The following DTNA variants were observed in gnomAD, a reference collection of about 807,000 sequenced individuals.
DTNA encodes the protein dystrophin-related protein 3.
DTNA carries 43 observed loss-of-function variants against 100.7 expected under a neutral mutation model. The ratio of observed to expected loss-of-function variants is 0.43; its 90% CI spans 0.33 to 0.55. The LOEUF is 0.55. DTNA is among the 20% of genes least tolerant of loss of function. The pLI, the probability that DTNA is intolerant of heterozygous loss-of-function variation, is 0.04. For missense variants in DTNA, 798 were observed against 953.9 expected, an observed-to-expected ratio of 0.84 and a Z score of 2.15; for synonymous variants, 349 against 347.9, an observed-to-expected ratio of 1.00 and a Z score of -0.04.
chr18:34,712,445 A>G (rs1291602856), intron 1 of DTNA, among the ~76,000 whole-genome samples: 2 of 152,166 alleles, frequency 1.3e-5, no homozygotes, highest in Non-Finnish European at 2.9e-5. Flanking sequence ...GTTATGGGCT[A>G]CCAGCCAGCT....
intron 10 of DTNA, chr18:34,828,985 A>T (rs2095931542): frequency 6.3e-7 from 1 of 1,593,448 alleles, no homozygotes; most frequent in African/African-American, 1.3e-5. Context: ...GCATTCTGCA[A>T]ATATCAAGCA....
At chr18:34,621,989 G>A (rs938402282) in intron 1 of DTNA, among the ~76,000 whole-genome samples, 8 of 152,224 alleles carry the variant, frequency 5.3e-5, no homozygotes, top group African/African-American at 1.9e-4. Flanking sequence ...GTAGGAGAGT[G>A]GTTGCAAAGG....
intron 1 of DTNA, among the ~76,000 whole-genome samples, chr18:34,592,467 A>AACAC (rs3078085): frequency 0.023 from 3,170 of 139,498 alleles, 92 homozygotes; most frequent in African/African-American, 0.074. Flanking sequence ...ACACTTGTAT[A>AACAC]ACACACACAC....
At chr18:34,693,196 A>G (rs2080028972) in intron 1 of DTNA, among the ~76,000 whole-genome samples, 1 of 152,180 alleles carries the variant, frequency 6.6e-6, no homozygotes, top group Non-Finnish European at 1.5e-5. Flanking sequence ...CATATATTGC[A>G]CATCTTCTAT....
rs373074813 is a variant in DTNA, at chr18:34,730,556, G to C, written c.-2+20111G>C. Among the ~76,000 whole-genome samples the C allele has an allele frequency of 1.5e-3, 225 of 152,192 alleles. 1 individual carries two copies. Among genetic ancestry groups the C allele is most frequent in the African/African-American group, 5.2e-3 (214 of 41,508 alleles). ...ATATAGACCTTGGAGTCAGATTTGG[G>C]TTCAAATATAGTAATTTTCATGGCT... is the stretch of plus-strand genomic sequence containing the variant. On this transcript the variant is annotated intron_variant, in intron 1 of 22. Coordinates refer to ENST00000444659, the MANE Select transcript of DTNA (RefSeq NM_001386795.1).
chr18:34,608,172 G>A (rs915459720), intron 1 of DTNA, among the ~76,000 whole-genome samples: 65 of 152,242 alleles, frequency 4.3e-4, no homozygotes, highest in African/African-American at 1.5e-3. Context: ...ATATATCTAA[G>A]TAACTGGGTT....
rs1253766761 is a variant in DTNA at position 34,879,566 on chromosome 18, CAG to C, written c.2014_2015del (p.Ser672Ter). 6.2e-7 allele frequency: 1 copy of C among 1,613,880 alleles called. No individual in the cohort carries two copies. The highest frequency in any genetic ancestry group is 8.5e-7 in the Non-Finnish European group (1 of 1,179,980). ...TATCTGCTAGAGGTTGGGAGTGAAACAGAGAGTAATGTGGATTCTGAATTTGC... is the reference window on the plus strand; with the variant it reads ...TATCTGCTAGAGGTTGGGAGTGAAACAGAGTAATGTGGATTCTGAATTTGC... On this transcript the variant is annotated frameshift_variant, in exon 20 of 23. Transcript: ENST00000444659. LOFTEE classifies it high-confidence loss of function.
chr18:34,611,233 T>G (rs2147520757), intron 1 of DTNA, among the ~76,000 whole-genome samples: 1 of 152,260 alleles, frequency 6.6e-6, no homozygotes, highest in Admixed American at 6.5e-5. Flanking sequence ...GCTGGTGTGG[T>G]TTATTTGCTT....
intron 1 of DTNA, among the ~76,000 whole-genome samples, chr18:34,564,142 G>A (rs771013976): frequency 5.2e-4 from 79 of 151,736 alleles, no homozygotes; most frequent in African/African-American, 1.3e-3. Context: ...CAACATGTCC[G>A]TACTTCCTTT....
intron 1 of DTNA, among the ~76,000 whole-genome samples, chr18:34,742,122 C>A (rs2090761052): frequency 6.6e-6 from 1 of 152,092 alleles, no homozygotes; most frequent in African/African-American, 2.4e-5. Flanking sequence ...GGCTAGGAAG[C>A]CTTAGGAGAG....
chr18:34,660,593 G>A (rs2075047954), intron 1 of DTNA, among the ~76,000 whole-genome samples: 1 of 151,958 alleles, frequency 6.6e-6, no homozygotes, highest in African/African-American at 2.4e-5. Context: ...TCGACTAAGA[G>A]TCTGGCACCT....
At chr18:34,714,958 C>T (rs1291960070) in intron 1 of DTNA, among the ~76,000 whole-genome samples, 1 of 148,256 alleles carries the variant, frequency 6.7e-6, no homozygotes, top group Non-Finnish European at 1.5e-5. Flanking sequence ...ATCGCAAGAA[C>T]AAAAAACCAA....
intron 3 of DTNA, among the ~76,000 whole-genome samples, chr18:34,775,861 A>G (rs1385637620): frequency 1.3e-5 from 2 of 152,268 alleles, no homozygotes; most frequent in Admixed American, 6.5e-5. Context: ...GTGAGTTAAT[A>G]AGAGTCTTGT....
intron 1 of DTNA, among the ~76,000 whole-genome samples, chr18:34,676,401 C>CT (rs554669021): frequency 3.0e-4 from 46 of 152,168 alleles, no homozygotes; most frequent in Non-Finnish European, 6.0e-4. Flanking sequence ...AATCCAGACC[C>CT]TGGATGAAAG....
At chr18:34,711,631 A>G (rs1600625949) in intron 1 of DTNA, among the ~76,000 whole-genome samples, 3 of 152,192 alleles carry the variant, frequency 2.0e-5, no homozygotes, top group South Asian at 2.1e-4. Context: ...AAAAGCCAAT[A>G]AATTTTCCCA....
At chr18:34,693,753 T>TGC (rs897268764) in intron 1 of DTNA, among the ~76,000 whole-genome samples, 55 of 138,398 alleles carry the variant, frequency 4.0e-4, no homozygotes, top group Non-Finnish European at 6.7e-4. Flanking sequence ...GCACTGTGTG[T>TGC]GTGTGTGTGT....
chr18:34,568,618 T>A (rs66562514), intron 1 of DTNA, among the ~76,000 whole-genome samples: 15,428 of 152,206 alleles, frequency 0.1, 1,146 homozygotes, highest in African/African-American at 0.2. Context: ...ATAATTTTTT[T>A]ATTTTCATTT....
chr18:34,542,713 T>A (rs1303062615), intron 1 of DTNA, among the ~76,000 whole-genome samples: 1 of 151,802 alleles, frequency 6.6e-6, no homozygotes, highest in Non-Finnish European at 1.5e-5. Flanking sequence ...AGTGGAGATG[T>A]CACTTGGTGT....
intron 1 of DTNA, among the ~76,000 whole-genome samples, chr18:34,754,693 G>A (rs536152853): frequency 1.6e-4 from 24 of 152,214 alleles, no homozygotes; most frequent in African/African-American, 4.1e-4. Flanking sequence ...GTGTTGATCC[G>A]TGTATACATT....
Sources: gnomAD v4.1 joint callset for allele counts (sites outside exome capture counted in the v4.1 genomes callset) on GRCh38, gnomAD v4.1.1 for gene constraint, MANE v1.5 for transcripts, NCBI Gene and HGNC (gene_info 2026-07-23, HGNC 2026-07-21) for gene names.